The following PDE4D variants were observed in gnomAD, a reference collection of about 807,000 sequenced individuals.
The protein encoded by PDE4D is 3',5'-cyclic-AMP phosphodiesterase 4D.
Under a neutral mutation model 87.4 loss-of-function variants are expected in PDE4D, and 24 were observed. The observed-to-expected ratio is 0.27, with a 90% confidence interval of 0.20 to 0.39. The LOEUF is 0.39. Among genes scored for constraint, PDE4D ranks in the 10% least tolerant of loss-of-function variants. PDE4D has a pLI of 1.00. For synonymous variants in PDE4D, 384 were observed against 383.2 expected (o/e 1.00, Z -0.02); for missense variants, 714 against 1,041.0 (o/e 0.69, Z 4.32).
intron 3 of PDE4D, among the ~76,000 whole-genome samples, chr5:59,918,078 G>A (rs1485076466): frequency 6.6e-6 from 1 of 151,460 alleles, no homozygotes; most frequent in Non-Finnish European, 1.5e-5. Context: ...GGATAAATTT[G>A]GAGAAAAATA....
chr5:59,087,621 C>T (rs1379230911), intron 5 of PDE4D, among the ~76,000 whole-genome samples: 1 of 152,132 alleles, frequency 6.6e-6, no homozygotes, highest in Admixed American at 6.6e-5. Flanking sequence ...GTGATGCCCC[C>T]ATGCTTTAAA....
At chr5:59,021,660 G>C (rs533680882) in intron 6 of PDE4D, among the ~76,000 whole-genome samples, 1 of 152,046 alleles carries the variant, frequency 6.6e-6, no homozygotes, top group Non-Finnish European at 1.5e-5. Flanking sequence ...AGAGGCTCAG[G>C]GAGGCCAAAT....
chr5:60,058,025 T>C (rs1434536367), intron 2 of PDE4D, among the ~76,000 whole-genome samples: 1 of 151,982 alleles, frequency 6.6e-6, no homozygotes, highest in Non-Finnish European at 1.5e-5. Flanking sequence ...GGATGCTCTA[T>C]GTTTAAGTGT....
intron 1 of PDE4D, among the ~76,000 whole-genome samples, chr5:59,458,075 T>G (rs2153644775): frequency 6.6e-6 from 1 of 152,324 alleles, no homozygotes; most frequent in South Asian, 2.1e-4. Context: ...TATTTTGCCT[T>G]CTAATACACT....
intron 1 of PDE4D, among the ~76,000 whole-genome samples, chr5:59,413,245 CAGG>C (rs1230769526): frequency 7.9e-5 from 12 of 151,896 alleles, no homozygotes; most frequent in Non-Finnish European, 1.8e-4. Context: ...ATCACGAGGT[CAGG>C]AGATCGAGAC....
chr5:60,162,792 G>A (rs543666087), intron 2 of PDE4D, among the ~76,000 whole-genome samples: 20 of 151,130 alleles, frequency 1.3e-4, no homozygotes, highest in Non-Finnish European at 2.5e-4. Context: ...AACCACAAAT[G>A]GCAAAGGAAG....
intron 1 of PDE4D, among the ~76,000 whole-genome samples, chr5:59,815,734 ACAGCCAAGGAC>A (rs1239855543): frequency 1.3e-5 from 2 of 152,196 alleles, no homozygotes; most frequent in Non-Finnish European, 2.9e-5. Flanking sequence ...CATACAAAAT[ACAGCCAAGGAC>A]CTGCTGGAAA....
chr5:59,772,969 G>A (rs1420468421), intron 1 of PDE4D, among the ~76,000 whole-genome samples: 3 of 152,144 alleles, frequency 2.0e-5, no homozygotes, highest in African/African-American at 2.4e-5. Flanking sequence ...TAATAATGAG[G>A]ATGATGATGA....
At chr5:60,348,962 G>T (rs529541584) in intron 1 of PDE4D, among the ~76,000 whole-genome samples, 1 of 152,174 alleles carries the variant, frequency 6.6e-6, no homozygotes, top group South Asian at 2.1e-4. Context: ...TTATCATGTA[G>T]ATACAAAGCA....
At chr5:60,303,826 G>A (rs184886420) in intron 1 of PDE4D, among the ~76,000 whole-genome samples, 1 of 152,280 alleles carries the variant, frequency 6.6e-6, no homozygotes, top group Admixed American at 6.5e-5. Context: ...ATCCAGAGCT[G>A]AGTTCAGGTT....
chr5:59,519,270 T>C (rs1267228836), intron 1 of PDE4D, among the ~76,000 whole-genome samples: 1 of 152,142 alleles, frequency 6.6e-6, no homozygotes, highest in South Asian at 2.1e-4. Flanking sequence ...TCTTGTTGGA[T>C]GAAAGCAGTC....
chr5:59,114,087 A>C (rs1446820699), intron 5 of PDE4D, among the ~76,000 whole-genome samples: 1 of 152,226 alleles, frequency 6.6e-6, no homozygotes, highest in East Asian at 1.9e-4. Flanking sequence ...AAGATGATGT[A>C]AATGTTTAAC....
intron 1 of PDE4D, among the ~76,000 whole-genome samples, chr5:59,499,585 A>G (rs1347037324): frequency 6.6e-6 from 1 of 152,020 alleles, no homozygotes; most frequent in Non-Finnish European, 1.5e-5. Context: ...AAATGACAAA[A>G]GTGACATCAC....
rs938683198 is a variant in PDE4D at position 60,157,940 on chromosome 5, C to T, written c.42+27617G>A. 2.7e-4 allele frequency among the ~76,000 whole-genome samples: 40 copies of T among 150,068 alleles called. 1 individual carries two copies. Among genetic ancestry groups the T allele is most frequent in the Admixed American group, 2.6e-3 (39 of 15,094 alleles). ...TCCTTCCTTCCCTCTCTTTCTCACCCTCTTCGTCTCTTTCTTTCTTTCCTC... is the reference window on the plus strand; with the variant it reads ...TCCTTCCTTCCCTCTCTTTCTCACCTTCTTCGTCTCTTTCTTTCTTTCCTC... On this transcript the variant is annotated intron_variant, in intron 2 of 16. Transcript: ENST00000502484.
intron 5 of PDE4D, among the ~76,000 whole-genome samples, chr5:59,140,391 A>G (rs1777715475): frequency 1.3e-5 from 2 of 152,244 alleles, no homozygotes; most frequent in African/African-American, 4.8e-5. Flanking sequence ...GTCTAATTAA[A>G]GAACACAAGA....
At chr5:59,660,220 T>C (rs1286323106) in intron 1 of PDE4D, among the ~76,000 whole-genome samples, 1 of 151,094 alleles carries the variant, frequency 6.6e-6, no homozygotes, top group African/African-American at 2.5e-5. Flanking sequence ...TAAATAAATA[T>C]TGAATTAGTA....
At chr5:60,455,287 G>C (rs1053130693) in intron 1 of PDE4D, among the ~76,000 whole-genome samples, 1 of 152,070 alleles carries the variant, frequency 6.6e-6, no homozygotes, top group Admixed American at 6.6e-5. Flanking sequence ...CTAAACACTA[G>C]ATGACATTTT....
chr5:59,823,613 G>A (rs934079909), intron 1 of PDE4D, among the ~76,000 whole-genome samples: 12 of 151,952 alleles, frequency 7.9e-5, no homozygotes, highest in Admixed American at 5.2e-4. Context: ...CAGATAGAGA[G>A]GTCTTTCTAA....
At chr5:59,636,115 C>A in intron 1 of PDE4D, among the ~76,000 whole-genome samples, 1 of 151,778 alleles carries the variant, frequency 6.6e-6, no homozygotes, top group East Asian at 1.9e-4. Context: ...AAATCATGAG[C>A]AAACTCCCAT....
Sources: gnomAD v4.1 joint callset for allele counts (sites outside exome capture counted in the v4.1 genomes callset) on GRCh38, gnomAD v4.1.1 for gene constraint, MANE v1.5 for transcripts, NCBI Gene and HGNC (gene_info 2026-07-23, HGNC 2026-07-21) for gene names.